MORN5: variants seen among roughly 807,000 people sequenced by gnomAD.
MORN5 encodes the protein MORN repeat containing 5, also known as MORN repeat-containing protein 5.
In MORN5, 21 loss-of-function variants were observed where a neutral mutation model predicts 22.1. That is an observed-to-expected ratio of 0.95 (90% confidence interval 0.67 to 1.37). The LOEUF is 1.37. MORN5 is among the 40% of genes most tolerant of loss of function. The pLI, the probability that MORN5 is intolerant of heterozygous loss-of-function variation, is 0.00. For synonymous variants in MORN5, 73 were observed against 74.0 expected (o/e 0.99, Z 0.07); for missense variants, 211 against 215.1 (o/e 0.98, Z 0.12).
At chr9:122,192,468 G>C (rs569714287) in intron 4 of MORN5, among the ~76,000 whole-genome samples, 1 of 152,182 alleles carries the variant, frequency 6.6e-6, no homozygotes. Flanking sequence ...CCCTCCCTGC[G>C]AATCCTCTGA....
At chr9:122,180,331 G>A (rs565204583) in intron 4 of MORN5, among the ~76,000 whole-genome samples, 15 of 144,154 alleles carry the variant, frequency 1.0e-4, no homozygotes, top group South Asian at 4.4e-4. Context: ...TGTCACCTAG[G>A]CTGGAGTGCA....
At chr9:122,174,054 C>A (rs1437704274) in intron 3 of MORN5, among the ~76,000 whole-genome samples, 1 of 152,218 alleles carries the variant, frequency 6.6e-6, no homozygotes, top group Non-Finnish European at 1.5e-5. Flanking sequence ...CTCCTTCATA[C>A]GTGCTCTGCT....
In MORN5 at chr9:122,166,931, G is replaced by A. The variant is rs946558883; in HGVS notation, c.195+16G>A. On this transcript the variant is annotated intron_variant, in intron 2 of 4. Coordinates refer to ENST00000373764, the MANE Select transcript of MORN5 (RefSeq NM_198469.4). ...GGCCATAAAGGTGATCAGCTGGGGG[G>A]ACGGATGCTGTGGAGGAGAGATCCT... 5.6e-6 allele frequency: 9 copies of A among 1,610,058 alleles called. No homozygotes were observed. The highest frequency in any genetic ancestry group is 2.7e-5 in the African/African-American group (2 of 74,808).
intron 4 of MORN5, among the ~76,000 whole-genome samples, chr9:122,198,704 C>T (rs1431542616): frequency 6.6e-6 from 1 of 152,172 alleles, no homozygotes; most frequent in African/African-American, 2.4e-5. Context: ...GAACGCTTGT[C>T]CCAGCATTGT....
At chr9:122,196,671 C>A (rs1188491990) in intron 4 of MORN5, among the ~76,000 whole-genome samples, 3 of 152,188 alleles carry the variant, frequency 2.0e-5, no homozygotes, top group Non-Finnish European at 4.4e-5. Flanking sequence ...ATTGTCAATA[C>A]CCATTAGTGA....
intron 4 of MORN5, among the ~76,000 whole-genome samples, chr9:122,178,771 C>T (rs948005737): frequency 1.3e-5 from 2 of 152,146 alleles, no homozygotes; most frequent in African/African-American, 4.8e-5. Flanking sequence ...CTTAGTGGTC[C>T]TGCCTTTGTT....
intron 1 of MORN5, among the ~76,000 whole-genome samples, chr9:122,160,417 A>G (rs538728852): frequency 6.6e-6 from 1 of 152,328 alleles, no homozygotes; most frequent in East Asian, 1.9e-4. Flanking sequence ...GCTAATCTGA[A>G]TCTACACGGT....
chr9:122,182,762 A>G lies in MORN5; in HGVS notation c.439+8135A>G, dbSNP rs568865453. Among the ~76,000 whole-genome samples, 67 of 151,992 alleles carry G rather than the reference A, an allele frequency of 4.4e-4. 1 individual carries two copies. In the East Asian group the frequency reaches 0.011, roughly 25 times the overall value. On this transcript the variant is annotated intron_variant, in intron 4 of 4. Coordinates refer to ENST00000373764, the MANE Select transcript of MORN5 (RefSeq NM_198469.4). ...CAAGACTCAGTCTCAAAAACCAACA[A>G]AAAAACAGCTTACCTCGCATGGTCT...
chr9:122,167,579 G>A (rs747336330), intron 2 of MORN5, among the ~76,000 whole-genome samples: 2 of 151,944 alleles, frequency 1.3e-5, no homozygotes, highest in Non-Finnish European at 2.9e-5. Flanking sequence ...GATCTGGAAG[G>A]ATCTGTGGAG....
chr9:122,189,045 A>AT lies in MORN5; in HGVS notation c.440-10838dup, dbSNP rs1409323667. The stretch of plus-strand genomic sequence containing the variant: ...CCCCGTCTCTACTAAAAATACAAAA[A>AT]TTAGCCCGGTGTGGTGGCGGGTGCC... On this transcript the variant is annotated intron_variant, in intron 4 of 4. Coordinates refer to ENST00000373764, the MANE Select transcript of MORN5 (RefSeq NM_198469.4). Among the ~76,000 whole-genome samples, 8 of 152,136 alleles carry AT rather than the reference A, an allele frequency of 5.3e-5. No homozygotes were observed. The East Asian group carries it at 1.6e-3, about 29-fold the overall frequency.
intron 2 of MORN5, among the ~76,000 whole-genome samples, chr9:122,168,964 G>A (rs1829327792): frequency 6.6e-6 from 1 of 152,204 alleles, no homozygotes; most frequent in African/African-American, 2.4e-5. Context: ...TCAACCAGGG[G>A]GATCAATGGT....
intron 3 of MORN5, among the ~76,000 whole-genome samples, chr9:122,172,023 T>C (rs1376582745): frequency 7.0e-6 from 1 of 142,182 alleles, no homozygotes; most frequent in East Asian, 2.3e-4. Context: ...GGTATGATCA[T>C]AGCTCACTGT....
At chr9:122,199,717 T>G (rs371888686) in intron 4 of MORN5, among the ~76,000 whole-genome samples, 168 bp from the exon 5 acceptor site, 2 of 152,174 alleles carry the variant, frequency 1.3e-5, no homozygotes, top group Admixed American at 6.5e-5. Context: ...GACCAGCCAC[T>G]CCGAGGAATT....
intron 3 of MORN5, among the ~76,000 whole-genome samples, chr9:122,173,452 G>A (rs1829395300): frequency 6.6e-6 from 1 of 152,162 alleles, no homozygotes; most frequent in Non-Finnish European, 1.5e-5. Context: ...TTAGGATCAG[G>A]GTCAGTGTCA....
Position 122,200,047 on chromosome 9 carries a change from C to G in MORN5, c.*116C>G. The G allele has an allele frequency of 1.1e-6, 1 of 945,744 alleles. No individual in the cohort carries two copies. The highest frequency in any genetic ancestry group is 1.4e-5 in the South Asian group (1 of 72,220). The allele number at this position is 945,744 out of a possible 1,614,324, so 58.6% of individuals were successfully genotyped here. A position where few individuals can be genotyped will look rare whatever the true frequency, so the allele number is the denominator to read the frequency against. The stretch of plus-strand genomic sequence containing the variant: ...GGGGGACGGGCTGTAGTTCTAGAAC[C>G]TGATTTTAACTCAGGAATAAAGACT... On this transcript the variant is annotated 3_prime_UTR_variant, in exon 5 of 5. Coordinates refer to ENST00000373764, the MANE Select transcript of MORN5 (RefSeq NM_198469.4).
chr9:122,190,164 T>A (rs1301906827), intron 4 of MORN5, among the ~76,000 whole-genome samples: 1 of 152,236 alleles, frequency 6.6e-6, no homozygotes, highest in Non-Finnish European at 1.5e-5. Flanking sequence ...AAGTGCTTCC[T>A]AATATGAGGC....
intron 4 of MORN5, among the ~76,000 whole-genome samples, chr9:122,198,806 C>T (rs577178567): frequency 6.6e-6 from 1 of 152,264 alleles, no homozygotes; most frequent in South Asian, 2.1e-4. Context: ...TATTAGGCAA[C>T]AGTAAGAAGC....
At chr9:122,195,766 A>G (rs943573327) in intron 4 of MORN5, among the ~76,000 whole-genome samples, 1 of 152,156 alleles carries the variant, frequency 6.6e-6, no homozygotes, top group Admixed American at 6.6e-5. Context: ...GAAAGTCACT[A>G]TGCACAGCCA....
chr9:122,191,873 C>T (rs1829776197), intron 4 of MORN5, among the ~76,000 whole-genome samples: 2 of 152,362 alleles, frequency 1.3e-5, no homozygotes, highest in East Asian at 3.9e-4. Context: ...CGCAGGCTCC[C>T]CCTCCATCCT....
Sources: allele counts gnomAD v4.1 joint callset (sites outside exome capture counted in the v4.1 genomes callset), GRCh38; gene constraint gnomAD v4.1.1; transcripts MANE v1.5; gene names NCBI Gene and HGNC (gene_info 2026-07-23, HGNC 2026-07-21).